The following PRPF18 variants were observed in gnomAD, a reference collection of about 807,000 sequenced individuals.
PRPF18 encodes the protein pre-mRNA processing factor 18.
In PRPF18, 38 loss-of-function variants were observed where a neutral mutation model predicts 46.5. That is an observed-to-expected ratio of 0.82 (90% CI 0.63 to 1.07). The LOEUF (loss-of-function observed/expected upper bound fraction) is 1.07. Among genes scored for constraint, PRPF18 ranks in the 50% least tolerant of loss-of-function variants. The probability of loss-of-function intolerance (pLI) is 0.00; values close to 1 mark genes in which losing one functional copy is unlikely to be tolerated. For missense variants in PRPF18, 263 were observed against 410.0 expected, an observed-to-expected ratio of 0.64 and a Z score of 3.10; for synonymous variants, 152 against 146.7, an observed-to-expected ratio of 1.04 and a Z score of -0.26.
the PRPF18 span, chr10:13,649,160 T>G: frequency 6.6e-6 from 1 of 152,208 alleles, no homozygotes; most frequent in Admixed American, 6.5e-5. Flanking sequence ...CTAAACAGTT[T>G]CTGGTTGAAA....
At chr10:13,597,335 AT>A in intron 1 of PRPF18, 122 bp from the exon 2 acceptor site, 2 of 668,912 alleles carry the variant, frequency 3.0e-6, no homozygotes, top group South Asian at 4.4e-5. Context: ...AAAAATATTT[AT>A]TTTATCCAAT....
At position 13,610,468 on chromosome 10, in the gene PRPF18, A is replaced by G. The variant is rs550461982; in HGVS notation, c.510+283A>G. Among the ~76,000 whole-genome samples, 7 of 152,146 alleles carry G rather than the reference A, an allele frequency of 4.6e-5. No homozygotes were observed. In the South Asian group the frequency reaches 1.5e-3, roughly 32 times the overall value. On this transcript the variant is annotated intron_variant, in intron 5 of 9. Coordinates refer to ENST00000378572, the MANE Select transcript of PRPF18 (RefSeq NM_003675.4). ...AGTGTTTTGTGAGCATGTATTTTTG[A>G]TTTACATAAATGATGTTATGCTGTG... is the stretch of plus-strand genomic sequence containing the variant.
At chr10:13,606,347 A>G (rs958698990) in intron 4 of PRPF18, among the ~76,000 whole-genome samples, 4 of 152,186 alleles carry the variant, frequency 2.6e-5, no homozygotes, top group East Asian at 3.9e-4. Context: ...AGGTTCATCC[A>G]TGTTATTGCA....
At chr10:13,629,464 A>T (rs1012059720) in intron 9 of PRPF18, among the ~76,000 whole-genome samples, 1 of 152,250 alleles carries the variant, frequency 6.6e-6, no homozygotes, top group Non-Finnish European at 1.5e-5. Flanking sequence ...TCCCAGTTTA[A>T]GAACTAGAAC....
At chr10:13,590,782 G>A (rs1417083897) in intron 1 of PRPF18, among the ~76,000 whole-genome samples, 1 of 152,162 alleles carries the variant, frequency 6.6e-6, no homozygotes, top group East Asian at 1.9e-4. Context: ...ATAGGATTAT[G>A]CAGCTAGCAA....
intron 1 of PRPF18, among the ~76,000 whole-genome samples, chr10:13,594,594 G>T (rs1277059110): frequency 6.6e-6 from 1 of 152,178 alleles, no homozygotes; most frequent in Non-Finnish European, 1.5e-5. Context: ...ATGGTTCAGT[G>T]AATTATGCAG....
At chr10:13,587,450 C>A (rs116723838) in intron 1 of PRPF18, among the ~76,000 whole-genome samples, 8 of 152,220 alleles carry the variant, frequency 5.3e-5, no homozygotes, top group Admixed American at 4.6e-4. Context: ...TTAACGCCCA[C>A]GTCCAAAAGC....
At chr10:13,596,229 G>A (rs1387783484) in intron 1 of PRPF18, among the ~76,000 whole-genome samples, 1 of 152,110 alleles carries the variant, frequency 6.6e-6, no homozygotes, top group Non-Finnish European at 1.5e-5. Flanking sequence ...TTTGATTTGT[G>A]TAATTGCTTC....
In PRPF18 at chr10:13,619,313, G is replaced by T. The variant is rs539903171; in HGVS notation, c.948+2760G>T. On this transcript the variant is annotated intron_variant, in intron 9 of 9. Transcript: ENST00000378572. The stretch of plus-strand genomic sequence containing the variant: ...ACAATTGGACAGATTTTTAGTTAGT[G>T]TAAGACAAAGCTTTTTCAGAAAACG... 5.9e-5 allele frequency among the ~76,000 whole-genome samples: 9 copies of T among 152,358 alleles called. No individual in the cohort carries two copies. The South Asian group carries it at 1.7e-3, about 28-fold the overall frequency.
At chr10:13,603,273 C>T (rs1488953979) in intron 3 of PRPF18, among the ~76,000 whole-genome samples, 1 of 150,510 alleles carries the variant, frequency 6.6e-6, no homozygotes, top group Non-Finnish European at 1.5e-5. Flanking sequence ...TCCCTTTAGT[C>T]TCTGTGTCAT....
chr10:13,615,491 A>G (rs1436127524), intron 8 of PRPF18, among the ~76,000 whole-genome samples: 1 of 152,192 alleles, frequency 6.6e-6, no homozygotes, highest in Non-Finnish European at 1.5e-5. Context: ...GAGCAGAGCA[A>G]GTTCACATTT....
chr10:13,627,668 A>G (rs895438241), intron 9 of PRPF18, among the ~76,000 whole-genome samples: 15 of 152,350 alleles, frequency 9.8e-5, no homozygotes, highest in South Asian at 4.1e-4. Flanking sequence ...ACTTATGACT[A>G]AAACAATTGA....
chr10:13,590,626 A>C (rs1287568185), intron 1 of PRPF18, among the ~76,000 whole-genome samples: 1 of 148,972 alleles, frequency 6.7e-6, no homozygotes, highest in Non-Finnish European at 1.5e-5. Flanking sequence ...ATCTCAAAAA[A>C]AAAAAAAAAA....
At chr10:13,591,829 A>C in intron 1 of PRPF18, 1 of 1,440,118 alleles carries the variant, frequency 6.9e-7, no homozygotes, top group Non-Finnish European at 9.3e-7. Context: ...CAGGTGCTTC[A>C]GGAAGACCGC....
chr10:13,627,596 A>G (rs1425723932), intron 9 of PRPF18, among the ~76,000 whole-genome samples: 1 of 152,216 alleles, frequency 6.6e-6, no homozygotes, highest in Admixed American at 6.5e-5. Flanking sequence ...TTACACACCT[A>G]TCTCTGCCAT....
chr10:13,601,220 A>C (rs971998978), intron 3 of PRPF18, among the ~76,000 whole-genome samples: 16 of 152,190 alleles, frequency 1.1e-4, no homozygotes, highest in African/African-American at 3.1e-4. Context: ...CATTTCTAGA[A>C]GCATGATTTT....
At chr10:13,636,490 A>G in the PRPF18 span, among the ~76,000 whole-genome samples, 1 of 152,186 alleles carries the variant, frequency 6.6e-6, no homozygotes. Flanking sequence ...GTCTAGTGTT[A>G]CGCGTCAAGT....
In PRPF18 at chr10:13,592,253, CCAGCCT is replaced by C. The variant is rs1248888746; in HGVS notation, c.66+5108_66+5113del. 1.2e-5 allele frequency: 6 copies of C among 520,058 alleles called. No homozygotes were observed. In the East Asian group the frequency reaches 2.8e-4, roughly 25 times the overall value. 32.2% of individuals were successfully genotyped at this position (520,058 alleles called of 1,614,324 possible). A position where few individuals can be genotyped will look rare whatever the true frequency, so the allele number is the denominator to read the frequency against. ...GAGGTGACCCTTTTTCACCTTGTCACCAGCCTCAGCCTTCTTGGCTTTGGGTTTCTT... is the reference window on the plus strand; with the variant it reads ...GAGGTGACCCTTTTTCACCTTGTCACCAGCCTTCTTGGCTTTGGGTTTCTT... On this transcript the variant is annotated intron_variant, in intron 1 of 9. Transcript: ENST00000378572.
At position 13,621,932 on chromosome 10, in the gene PRPF18, A is replaced by G. The variant is rs1281178426; in HGVS notation, c.948+5379A>G. ...ATCTATGCTAGCATTTGCCAAATTT[A>G]TCTGTCCATGGAACATTTGTGAGTT... is the stretch of plus-strand genomic sequence containing the variant. On this transcript the variant is annotated intron_variant, in intron 9 of 9. Coordinates refer to ENST00000378572, the MANE Select transcript of PRPF18 (RefSeq NM_003675.4). Among the ~76,000 whole-genome samples, 3 of 152,186 alleles carry G rather than the reference A, an allele frequency of 2.0e-5. No individual in the cohort carries two copies. In the East Asian group the frequency reaches 5.8e-4, roughly 29 times the overall value.
Sources: allele counts gnomAD v4.1 joint callset (sites outside exome capture counted in the v4.1 genomes callset), GRCh38; gene constraint gnomAD v4.1.1; transcripts MANE v1.5; gene names NCBI Gene and HGNC (gene_info 2026-07-23, HGNC 2026-07-21).